Variants in PHRF1 observed in about 807,000 individuals in gnomAD.
The protein encoded by PHRF1 is PHD and RING finger domain-containing protein 1.
PHRF1 carries 53 observed loss-of-function variants against 128.9 expected under a neutral mutation model. That is an observed-to-expected ratio of 0.41 (90% CI 0.33 to 0.52). The LOEUF (loss-of-function observed/expected upper bound fraction) is 0.52, where lower values mean the gene tolerates loss of function less well. PHRF1 is among the 20% of genes least tolerant of loss of function. The probability of loss-of-function intolerance (pLI) is 0.21; values close to 1 mark genes in which losing one functional copy is unlikely to be tolerated. For synonymous variants in PHRF1, 1,178 were observed against 980.6 expected, an observed-to-expected ratio of 1.20 and a Z score of -3.76; for missense variants, 2,503 against 2,284.5, an observed-to-expected ratio of 1.10 and a Z score of -1.95.
rs772850194 is a variant in PHRF1 at position 611,741 on chromosome 11, C to G, written c.4914C>G (p.Ala1638=). 1 of 1,611,978 alleles carries G rather than the reference C, an allele frequency of 6.2e-7. No individual in the cohort carries two copies. The highest frequency in any genetic ancestry group is 1.3e-5 in the African/African-American group (1 of 75,048). ...TGCGCAGGCACAAGAAACCAGAGGC[C>G]GGGGAGGAGCCGCCCACGCAGGGGG... ...RHMRRHKKPE[A]GEEPPTQGAE... is the part of the protein sequence containing the mutation. Residue 1638 remains alanine (A), a synonymous_variant, in exon 18 of 18, where the codon GCC becomes GCG. Transcript: ENST00000264555.
intron 5 of PHRF1, 33 bp from the exon 6 acceptor site, chr11:592,526 C>T: frequency 6.3e-7 from 1 of 1,598,008 alleles, no homozygotes. Context: ...GAGTTTGGGT[C>T]CTGTGTGGTG....
chr11:592,698 C>G (rs752806734), intron 6 of PHRF1, 24 bp downstream of exon 6: 1 of 1,612,050 alleles, frequency 6.2e-7, no homozygotes, highest in South Asian at 1.1e-5. Context: ...GGGACTGGCA[C>G]ACGTGCCCTG....
At chr11:588,460 ACCT>A (rs1414811174) in intron 4 of PHRF1, among the ~76,000 whole-genome samples, 1 of 150,784 alleles carries the variant, frequency 6.6e-6, no homozygotes, top group Non-Finnish European at 1.5e-5. Context: ...GCTCACCACA[ACCT>A]CCACCTTCCG....
chr11:588,187 G>A (rs1392213634), intron 4 of PHRF1, among the ~76,000 whole-genome samples: 1 of 152,014 alleles, frequency 6.6e-6, no homozygotes, highest in Non-Finnish European at 1.5e-5. Flanking sequence ...TAGTGACTGG[G>A]TCCTCCTGTT....
chr11:596,416 G>A (rs1376455706), intron 6 of PHRF1, among the ~76,000 whole-genome samples: 3 of 152,210 alleles, frequency 2.0e-5, no homozygotes, highest in African/African-American at 7.2e-5. Flanking sequence ...CCGGGAGTGA[G>A]GGTGGGGGAG....
chr11:606,644 C>G, intron 13 of PHRF1, 48 bp downstream of exon 13: 1 of 1,554,540 alleles, frequency 6.4e-7, no homozygotes, highest in Non-Finnish European at 8.7e-7. Flanking sequence ...GCTGCTGGTC[C>G]TCAGGCTGTT....
At chr11:603,195 A>G (rs1317387965) in intron 10 of PHRF1, among the ~76,000 whole-genome samples, 2 of 152,134 alleles carry the variant, frequency 1.3e-5, no homozygotes, top group East Asian at 1.9e-4. Flanking sequence ...AGCTGGGACT[A>G]CAGGCATAGC....
At chr11:598,348 G>C (rs1208780815) in intron 8 of PHRF1, 25 bp from the exon 9 acceptor site, 1 of 1,601,664 alleles carries the variant, frequency 6.2e-7, no homozygotes, top group South Asian at 1.1e-5. Flanking sequence ...AAGGGCATCT[G>C]ACGGCACCAC....
chr11:601,569 C>G lies in PHRF1; in HGVS notation c.1025-5C>G. 6.2e-7 allele frequency: 1 copy of G among 1,613,630 alleles called. No homozygotes were observed. Among genetic ancestry groups the G allele is most frequent in the South Asian group, 1.1e-5 (1 of 91,076 alleles). ...GAAGCACAGACTTCAACCTCTTTTC[C>G]TTAGGAAGACGGAAGAAAGTGCCGG... is the stretch of plus-strand genomic sequence containing the variant. On this transcript the variant is annotated splice_region_variant and splice_polypyrimidine_tract_variant and intron_variant, in intron 9 of 17. Transcript: ENST00000264555.
At position 587,272 on chromosome 11, in the gene PHRF1, T is replaced by G. The variant is rs1282042101; in HGVS notation, c.228T>G (p.Ser76=). Residue 76 remains serine, a synonymous_variant, in exon 4 of 18, where the codon TCT becomes TCG. Transcript: ENST00000264555. ...DLEDRSGSED[S]EDDGETLLEV... is the part of the protein sequence containing the mutation. Reference sequence around the variant, plus strand: ...TTTCCTCTCCAGGTTCCGAGGATTCTGAAGACGACGGGGAGACATTGCTGG... The same window carrying G: ...TTTCCTCTCCAGGTTCCGAGGATTCGGAAGACGACGGGGAGACATTGCTGG... The G allele has an allele frequency of 2.5e-6, 4 of 1,613,316 alleles. No individual in the cohort carries two copies. The highest frequency in any genetic ancestry group is 3.4e-6 in the Non-Finnish European group (4 of 1,179,874).
At chr11:595,207 C>A (rs1444131669) in intron 6 of PHRF1, among the ~76,000 whole-genome samples, 1 of 152,152 alleles carries the variant, frequency 6.6e-6, no homozygotes, top group Non-Finnish European at 1.5e-5. Context: ...CCTGTAACCC[C>A]CGATCCTTGG....
In PHRF1 at chr11:609,858, C is replaced by A. The variant is rs1173385515; in HGVS notation, c.4264+138C>A. The A allele has an allele frequency of 2.4e-5, 15 of 629,042 alleles. No homozygotes were observed. The Admixed American group carries it at 3.5e-4, about 15-fold the overall frequency. 39.0% of individuals were successfully genotyped at this position (629,042 alleles called of 1,614,324 possible). Reference sequence around the variant, plus strand: ...AGCCCCCCGTGAGTAGGGCCCTGGCCTCCGCTGAGAACAGAGCCCCCTGTG... The same window carrying A: ...AGCCCCCCGTGAGTAGGGCCCTGGCATCCGCTGAGAACAGAGCCCCCTGTG... On this transcript the variant is annotated intron_variant, in intron 14 of 17. Coordinates refer to ENST00000264555, the MANE Select transcript of PHRF1 (RefSeq NM_001286581.2).
chr11:592,970 C>T (rs1001669467), intron 6 of PHRF1, among the ~76,000 whole-genome samples: 4 of 152,236 alleles, frequency 2.6e-5, no homozygotes, highest in African/African-American at 7.2e-5. Context: ...GAGGGTGGGA[C>T]GTGTCCTGGT....
rs201016370 is a variant in PHRF1 at position 607,366 on chromosome 11, A to G, written c.1910A>G (p.Lys637Arg). 3 of 1,612,796 alleles carry G rather than the reference A, an allele frequency of 1.9e-6. No individual in the cohort carries two copies. Among genetic ancestry groups the G allele is most frequent in the African/African-American group, 1.3e-5 (1 of 75,066 alleles). Residue 637 changes from lysine (K) to arginine (R), a missense_variant, in exon 14 of 18, where the codon AAG (lysine) becomes AGG (arginine). Coordinates refer to ENST00000264555, the MANE Select transcript of PHRF1 (RefSeq NM_001286581.2). Reference protein sequence around the residue: ...SHSPWFNGTNKHTLPLASAAS... With the variant: ...SHSPWFNGTNRHTLPLASAAS... ...AGCCCCTGGTTCAACGGCACCAACA[A>G]GCACACCTTGCCCCTTGCCTCTGCC...
In PHRF1 at chr11:597,920, C is replaced by G. The variant is rs1005487059; in HGVS notation, c.894+350C>G. On this transcript the variant is annotated intron_variant, in intron 8 of 17. Coordinates refer to ENST00000264555, the MANE Select transcript of PHRF1 (RefSeq NM_001286581.2). This position sits in a 1 kb window ranked among gnomAD's most constrained non-coding sequence, Gnocchi z 6.5. ...TTCCTCTTGCACTGGACCTGGTGCT[C>G]GGTTTCAGGTGCTCCCTGCAGCCTC... Among the ~76,000 whole-genome samples, 1 of 152,204 alleles carries G rather than the reference C, an allele frequency of 6.6e-6. No individual in the cohort carries two copies. Among genetic ancestry groups the G allele is most frequent in the Non-Finnish European group, 1.5e-5 (1 of 68,024 alleles).
chr11:600,397 T>TG (rs1855557962), intron 9 of PHRF1, among the ~76,000 whole-genome samples: 1 of 151,056 alleles, frequency 6.6e-6, no homozygotes, highest in Non-Finnish European at 1.5e-5. Flanking sequence ...CCCAGCACTT[T>TG]GGGAGGCTGG....
At chr11:594,887 T>G (rs1855191362) in intron 6 of PHRF1, among the ~76,000 whole-genome samples, 1 of 134,696 alleles carries the variant, frequency 7.4e-6, no homozygotes, top group Non-Finnish European at 1.6e-5. Flanking sequence ...TTGAATTACT[T>G]GGCAGATAAA....
intron 1 of PHRF1, among the ~76,000 whole-genome samples, chr11:581,111 AT>A (rs111447606): frequency 0.046 from 6,579 of 143,498 alleles, 389 homozygotes; most frequent in African/African-American, 0.14. Flanking sequence ...GGCGTGACCA[AT>A]TTTTTTTTTT....
chr11:597,355 C>A lies in PHRF1; in HGVS notation c.719-40C>A. ...GGGAGCCGTTGGGGGAGGCGTGTGG[C>A]CTGTGAGTGTGGCACATCAGCCCTG... On this transcript the variant is annotated intron_variant, in intron 7 of 17. Coordinates refer to ENST00000264555, the MANE Select transcript of PHRF1 (RefSeq NM_001286581.2). The surrounding 1 kb of genome is among the most constrained non-coding windows in gnomAD (Gnocchi z 6.5). The A allele has an allele frequency of 6.3e-7, 1 of 1,591,410 alleles. No homozygotes were observed. Among genetic ancestry groups the A allele is most frequent in the Non-Finnish European group, 8.6e-7 (1 of 1,167,390 alleles).
Sources: gnomAD v4.1 joint callset for allele counts (sites outside exome capture counted in the v4.1 genomes callset) on GRCh38, gnomAD v4.1.1 for gene constraint, Gnocchi (gnomAD v3.1) non-coding constraint, MANE v1.5 for transcripts, NCBI Gene and HGNC (gene_info 2026-07-23, HGNC 2026-07-21) for gene names.